The following DLG2 variants were observed in gnomAD, a reference collection of about 807,000 sequenced individuals.
DLG2 encodes disks large homolog 2.
A neutral mutation model predicts 132.5 loss-of-function variants in DLG2; 45 were observed. The observed-to-expected ratio is 0.34, with a 90% CI of 0.27 to 0.44. The LOEUF is 0.44. Ranked by LOEUF, DLG2 falls within the 20% of genes least tolerant of loss-of-function variation. The pLI is 1.00. For missense variants in DLG2, 1,045 were observed against 1,196.9 expected (o/e 0.87, Z 1.87); for synonymous variants, 424 against 419.6 (o/e 1.01, Z -0.13).
chr11:84,702,665 G>T lies in DLG2; in HGVS notation c.358-167934C>A, dbSNP rs577744630. Among the ~76,000 whole-genome samples the T allele has an allele frequency of 1.6e-4, 24 of 151,626 alleles. 2 individuals are homozygous for T. Among genetic ancestry groups the T allele is most frequent in the African/African-American group, 4.3e-4 (18 of 41,418 alleles). ...TCTAATTCTAACTCATCCTTTCCAA[G>T]TATTACTTCTGCATTGAAACCTTTA... is the stretch of plus-strand genomic sequence containing the variant. On this transcript the variant is annotated intron_variant, in intron 6 of 27. Transcript: ENST00000376104.
intron 4 of DLG2, among the ~76,000 whole-genome samples, chr11:85,273,642 T>C (rs1184206855): frequency 4.6e-5 from 7 of 152,150 alleles, no homozygotes; most frequent in Admixed American, 4.6e-4. Flanking sequence ...TAGGAACACT[T>C]TTACACTGTT....
intron 8 of DLG2, among the ~76,000 whole-genome samples, chr11:84,180,359 A>G (rs1197162418): frequency 2.0e-5 from 3 of 152,120 alleles, no homozygotes; most frequent in Non-Finnish European, 4.4e-5. Context: ...AAAATAACCA[A>G]TAGAGAACAT....
chr11:84,690,194 A>T (rs2057858114), intron 6 of DLG2, among the ~76,000 whole-genome samples: 1 of 151,878 alleles, frequency 6.6e-6, no homozygotes, highest in Non-Finnish European at 1.5e-5. Flanking sequence ...AGACTGGAGT[A>T]ATCAGTTTTA....
intron 7 of DLG2, among the ~76,000 whole-genome samples, chr11:84,304,366 T>A (rs551424655): frequency 3.9e-5 from 6 of 152,312 alleles, no homozygotes; most frequent in Non-Finnish European, 1.5e-5. Context: ...GATCGCATGT[T>A]AAATAGCAAC....
At chr11:83,816,707 C>A (rs2049045957) in intron 17 of DLG2, among the ~76,000 whole-genome samples, 1 of 152,114 alleles carries the variant, frequency 6.6e-6, no homozygotes, top group South Asian at 2.1e-4. Flanking sequence ...AGATTATATG[C>A]CCAGATTTCA....
chr11:84,069,815 A>C lies in DLG2; in HGVS notation c.750-10331T>G, dbSNP rs2096730127. Among the ~76,000 whole-genome samples, 3 of 152,238 alleles carry C rather than the reference A, an allele frequency of 2.0e-5. No homozygotes were observed. In the South Asian group the frequency reaches 6.2e-4, roughly 31 times the overall value. The stretch of plus-strand genomic sequence containing the variant: ...AAGCAGAGGCCAGTAACAAATTTCA[A>C]GCTAGGCTACTTAATGGGTACAACA... On this transcript the variant is annotated intron_variant, in intron 10 of 27. Coordinates refer to ENST00000376104, the MANE Select transcript of DLG2 (RefSeq NM_001142699.3).
chr11:84,818,415 C>G (rs949045106), intron 6 of DLG2, among the ~76,000 whole-genome samples: 4 of 151,832 alleles, frequency 2.6e-5, no homozygotes, highest in African/African-American at 9.7e-5. Context: ...CTTCCCATAA[C>G]TTTCCCATTT....
chr11:85,488,237 A>T (rs1247115202), intron 3 of DLG2, among the ~76,000 whole-genome samples: 1 of 152,076 alleles, frequency 6.6e-6, no homozygotes, highest in Admixed American at 6.5e-5. Context: ...AAAAATACAA[A>T]AATTAGCTGG....
chr11:85,399,751 C>A (rs1184108716), intron 3 of DLG2, among the ~76,000 whole-genome samples: 1 of 152,182 alleles, frequency 6.6e-6, no homozygotes, highest in Admixed American at 6.5e-5. Context: ...AAACTGGATC[C>A]CCTCCTTACA....
At chr11:83,790,573 T>C in intron 17 of DLG2, 5 of 1,293,448 alleles carry the variant, frequency 3.9e-6, no homozygotes, top group Non-Finnish European at 5.6e-6. Context: ...CTTTCAGCCA[T>C]GTGGGCTTCT....
At chr11:84,197,959 T>C (rs2096543589) in intron 8 of DLG2, among the ~76,000 whole-genome samples, 1 of 152,216 alleles carries the variant, frequency 6.6e-6, no homozygotes, top group Non-Finnish European at 1.5e-5. Context: ...TATCATTTCA[T>C]ACTTCATCTT....
intron 2 of DLG2, among the ~76,000 whole-genome samples, chr11:85,599,095 T>C (rs976811668): frequency 6.6e-6 from 1 of 152,190 alleles, no homozygotes; most frequent in Admixed American, 6.6e-5. Context: ...GACCTTAAAA[T>C]TGATGACTTC....
intron 3 of DLG2, among the ~76,000 whole-genome samples, chr11:85,398,642 A>G (rs1487109512): frequency 1.3e-5 from 2 of 152,194 alleles, no homozygotes; most frequent in African/African-American, 2.4e-5. Flanking sequence ...AGAGAATACT[A>G]TAAACATCCC....
intron 6 of DLG2, chr11:84,546,423 C>A: frequency 4.4e-6 from 1 of 226,670 alleles, no homozygotes; most frequent in Non-Finnish European, 9.1e-6. Context: ...CTGAAAGAAC[C>A]ATGAGCCAAT....
At chr11:83,629,277 CA>C (rs2063162954) in intron 19 of DLG2, among the ~76,000 whole-genome samples, 1 of 152,146 alleles carries the variant, frequency 6.6e-6, no homozygotes, top group African/African-American at 2.4e-5. Flanking sequence ...ACATAATATA[CA>C]CTCAAAAAAT....
chr11:84,538,315 A>G (rs1370399512), intron 6 of DLG2, among the ~76,000 whole-genome samples: 1 of 152,244 alleles, frequency 6.6e-6, no homozygotes, highest in Non-Finnish European at 1.5e-5. Flanking sequence ...AGTGGATTGT[A>G]GCAGATGCTA....
intron 3 of DLG2, among the ~76,000 whole-genome samples, chr11:85,491,230 G>A (rs1279365853): frequency 4.6e-5 from 7 of 152,034 alleles, no homozygotes; most frequent in Non-Finnish European, 1.0e-4. Context: ...ATCCTTTCAT[G>A]ATAAAAACTC....
At chr11:85,261,707 TG>T (rs769056335) in intron 4 of DLG2, among the ~76,000 whole-genome samples, 5 of 152,066 alleles carry the variant, frequency 3.3e-5, no homozygotes, top group Non-Finnish European at 4.4e-5. Flanking sequence ...CATTTGAAGG[TG>T]AAACTGCTGA....
chr11:85,523,689 G>C (rs1167990665), intron 3 of DLG2, among the ~76,000 whole-genome samples: 1 of 152,114 alleles, frequency 6.6e-6, no homozygotes, highest in African/African-American at 2.4e-5. Flanking sequence ...CAAGAAACTA[G>C]AAATAGAACT....
Sources: allele counts gnomAD v4.1 joint callset (sites outside exome capture counted in the v4.1 genomes callset), GRCh38; gene constraint gnomAD v4.1.1; transcripts MANE v1.5; gene names NCBI Gene and HGNC (gene_info 2026-07-23, HGNC 2026-07-21).